ZNF320: variants seen among roughly 807,000 people sequenced by gnomAD.
ZNF320 encodes zinc finger protein 320.
ZNF320 carries 2 observed loss-of-function variants against 6.8 expected under a neutral mutation model. The observed-to-expected ratio is 0.29, with a 90% confidence interval of 0.12 to 0.93. ZNF320 has a LOEUF of 0.93. Among genes scored for constraint, ZNF320 ranks in the 40% least tolerant of loss-of-function variants. The pLI is 0.55. For missense variants in ZNF320, 472 were observed against 611.0 expected, an observed-to-expected ratio of 0.77 and a Z score of 2.40; for synonymous variants, 208 against 203.2, an observed-to-expected ratio of 1.02 and a Z score of -0.20.
intron 5 of ZNF320, among the ~76,000 whole-genome samples, chr19:52,868,853 C>T (rs373528146): frequency 3.5e-4 from 54 of 152,220 alleles, no homozygotes; most frequent in East Asian, 1.2e-3. Context: ...AGTCATGATG[C>T]CCTGCACACA....
exon 6 of ZNF320, chr19:52,863,833 C>T (rs534779371): frequency 5.5e-5 from 12 of 217,898 alleles, no homozygotes; most frequent in Admixed American, 3.4e-4. Context: ...GAGTTCGAGA[C>T]GAGCCTGGCC....
intron 5 of ZNF320, among the ~76,000 whole-genome samples, chr19:52,864,940 G>A (rs1357279671): frequency 6.6e-6 from 1 of 152,014 alleles, no homozygotes; most frequent in Non-Finnish European, 1.5e-5. Context: ...GTGAACCTGG[G>A]AGGTAGAGCT....
intron 5 of ZNF320, among the ~76,000 whole-genome samples, chr19:52,869,868 A>T (rs949863373): frequency 4.6e-5 from 7 of 152,056 alleles, no homozygotes; most frequent in Non-Finnish European, 7.4e-5. Flanking sequence ...GGCACCCGCC[A>T]CCACATCTGG....
Position 52,881,709 on chromosome 19 carries a change from C to A in ZNF320, c.417G>T (p.Gln139His). ...RHAGNKPIKG[Q>H]LESRFHLHLR... ...AATGCAAATGAAATCTTGATTCAAG[C>A]TGACCTTTAATAGGCTTGTTTCCAG... The change falls in exon 6 of 6, where the codon CAG becomes CAT. Residue 139 changes from glutamine to histidine, a missense_variant. Physicochemically the swap from Gln to His is conservative, Grantham distance 24. Around this residue, in one of 2 missense-constraint regions of ZNF320, gnomAD observed 462 missense variants for 559.7 expected, o/e 0.83. Coordinates refer to ENST00000682928, the MANE Select transcript of ZNF320 (RefSeq NM_001351774.2). 1 of 1,613,986 alleles carries A rather than the reference C, an allele frequency of 6.2e-7. No individual in the cohort carries two copies. Among genetic ancestry groups the A allele is most frequent in the African/African-American group, 1.3e-5 (1 of 75,050 alleles).
chr19:52,861,000 G>A (rs1240210609), exon 6 of ZNF320, among the ~76,000 whole-genome samples: 2 of 133,918 alleles, frequency 1.5e-5, no homozygotes, highest in East Asian at 2.1e-4. Flanking sequence ...GTGAGATTCC[G>A]TCAAAAACAA....
rs573498156 is a variant in ZNF320 at position 52,863,339 on chromosome 19, C to T, written c.*690G>A. ...GAAGGTCGGGCATGGTGGTTCACAC[C>T]TGTAATCCCAGCACTTTGGAAGTCC... On this transcript the variant is annotated 3_prime_UTR_variant, in exon 6 of 6. Coordinates refer to the ZNF320 transcript ENST00000673631. Among the ~76,000 whole-genome samples the T allele has an allele frequency of 5.3e-5, 8 of 152,290 alleles. No individual in the cohort carries two copies. In the Middle Eastern group the frequency reaches 0.01, roughly 194 times the overall value.
chr19:52,896,568 G>GT (rs1407445765), intron 1 of ZNF320, among the ~76,000 whole-genome samples: 3 of 152,094 alleles, frequency 2.0e-5, no homozygotes, highest in African/African-American at 7.2e-5. Flanking sequence ...AATTAGCGCG[G>GT]TGTGGTGGCG....
rs572839127 is a variant in ZNF320 at position 52,867,408 on chromosome 19, G to C, written c.224-3249C>G. On this transcript the variant is annotated intron_variant, in intron 5 of 5. Coordinates refer to the ZNF320 transcript ENST00000673631. ...AGACGGGGTTTCACCATGTTGGCCA[G>C]GCTGGTCTTGAACTCCTGACCTCAT... 6.4e-4 allele frequency among the ~76,000 whole-genome samples: 97 copies of C among 151,982 alleles called. 1 individual carries two copies. The highest frequency in any genetic ancestry group is 5.3e-4 in the Non-Finnish European group (36 of 67,998).
At chr19:52,887,161 C>T (rs185330821) in intron 5 of ZNF320, among the ~76,000 whole-genome samples, 3 of 152,180 alleles carry the variant, frequency 2.0e-5, no homozygotes, top group African/African-American at 7.2e-5. Context: ...TTTCCCCACA[C>T]ACTATTTGAA....
intron 5 of ZNF320, among the ~76,000 whole-genome samples, chr19:52,868,003 C>T (rs141540933): frequency 3.4e-4 from 51 of 152,236 alleles, no homozygotes; most frequent in Non-Finnish European, 6.6e-4. Context: ...CATCAGCCTC[C>T]CAAAGTGCTG....
rs763518248 is a variant in ZNF320 at position 52,880,588 on chromosome 19, C to G, written c.*8G>C. 1.9e-6 allele frequency: 3 copies of G among 1,585,948 alleles called. No homozygotes were observed. Among genetic ancestry groups the G allele is most frequent in the African/African-American group, 2.7e-5 (2 of 74,046 alleles). On this transcript the variant is annotated 3_prime_UTR_variant, in exon 6 of 6. Coordinates refer to ENST00000682928, the MANE Select transcript of ZNF320 (RefSeq NM_001351774.2). ...CAAACTCAGGTCAATGCTGATTTGA[C>G]TCTGATGTCAATTAATGCTTGATGG...
At chr19:52,896,178 C>G (rs2064465609) in intron 1 of ZNF320, among the ~76,000 whole-genome samples, 1 of 152,060 alleles carries the variant, frequency 6.6e-6, no homozygotes, top group Non-Finnish European at 1.5e-5. Context: ...CTGCAACCTC[C>G]CCCTCCCTGT....
chr19:52,874,747 T>TG (rs984639374), downstream of ZNF320, among the ~76,000 whole-genome samples: 72 of 152,220 alleles, frequency 4.7e-4, no homozygotes, highest in African/African-American at 1.6e-3. Context: ...TCATGTCATA[T>TG]GGGGGCTGTG....
chr19:52,880,688 G>A lies in ZNF320; in HGVS notation c.1438C>T (p.Leu480=). ...KCHQCGKVFS[L]RSLLAEHQKI... is the part of the protein sequence containing the mutation. Reference sequence around the variant, plus strand: ...TGATGTTCTGCAAGGAGTGACCTCAGACTAAAGACCTTGCCACACTGATGA... The same window carrying A: ...TGATGTTCTGCAAGGAGTGACCTCAAACTAAAGACCTTGCCACACTGATGA... The change falls in exon 6 of 6, where the codon CTG becomes TTG. Residue 480 remains leucine, a synonymous_variant. Transcript: ENST00000682928. The A allele has an allele frequency of 1.2e-6, 2 of 1,613,898 alleles. No homozygotes were observed. Among genetic ancestry groups the A allele is most frequent in the Non-Finnish European group, 1.7e-6 (2 of 1,179,848 alleles).
chr19:52,886,937 AAAAGAAAGAAAAGAAGAAAG>A (rs953174616), intron 5 of ZNF320, among the ~76,000 whole-genome samples: 6 of 149,632 alleles, frequency 4.0e-5, no homozygotes, highest in African/African-American at 1.5e-4. Context: ...TATCAAAAGA[AAAAGAAAGAAAAGAAGAAAG>A]AAAGAAAGAA....
downstream of ZNF320, chr19:52,873,859 A>G: frequency 6.8e-6 from 2 of 292,660 alleles, no homozygotes. Flanking sequence ...ACAAGGACTG[A>G]GAAAAGGCAT....
In ZNF320 at chr19:52,868,681, C is replaced by G. The variant is rs145777992; in HGVS notation, c.224-4522G>C. 2.3e-3 allele frequency among the ~76,000 whole-genome samples: 357 copies of G among 152,080 alleles called. 1 individual carries two copies. Among genetic ancestry groups the G allele is most frequent in the African/African-American group, 7.3e-3 (304 of 41,492 alleles). On this transcript the variant is annotated intron_variant, in intron 5 of 5. Transcript: ENST00000673631. The stretch of plus-strand genomic sequence containing the variant: ...ACGACATGTTTCTAAGCAAAATAGT[C>G]CACCAAGAAAGTACAGAAAACAACC...
intron 1 of ZNF320, among the ~76,000 whole-genome samples, chr19:52,896,579 C>T (rs28585642): frequency 0.35 from 53,084 of 151,666 alleles, 9,488 homozygotes; most frequent in African/African-American, 0.35. Flanking sequence ...TGTGGTGGCG[C>T]GCGGCTGTGG....
intron 5 of ZNF320, among the ~76,000 whole-genome samples, chr19:52,870,633 G>A (rs370087588): frequency 6.6e-6 from 1 of 151,988 alleles, no homozygotes; most frequent in Non-Finnish European, 1.5e-5. Context: ...ACGTGTGGTG[G>A]TGCACACCTC....
Sources: allele counts gnomAD v4.1 joint callset (sites outside exome capture counted in the v4.1 genomes callset), GRCh38; gene constraint gnomAD v4.1.1; regional missense constraint gnomAD v4.1.1; transcripts MANE v1.5; gene names NCBI Gene and HGNC (gene_info 2026-07-23, HGNC 2026-07-21).